PIK3R1: variants seen among roughly 807,000 people sequenced by gnomAD.
PIK3R1 encodes the protein phosphatidylinositol 3-kinase regulatory subunit alpha.
Under a neutral mutation model 98.0 loss-of-function variants are expected in PIK3R1, and 29 were observed. The ratio of observed to expected loss-of-function variants is 0.30; its 90% CI spans 0.22 to 0.40. The LOEUF is 0.40. Among genes scored for constraint, PIK3R1 ranks in the 10% least tolerant of loss-of-function variants. The pLI, the probability that PIK3R1 is intolerant of heterozygous loss-of-function variation, is 1.00. For synonymous variants in PIK3R1, 282 were observed against 311.8 expected (o/e 0.90, Z 1.01); for missense variants, 596 against 872.7 (o/e 0.68, Z 3.99).
At chr5:68,217,629 G>GTGTGTGTGTGTGT (rs1554044204) in intron 1 of PIK3R1, 46 of 145,820 alleles carry the variant, frequency 3.2e-4, no homozygotes, top group Admixed American at 1.5e-3. Context: ...AATGTGTGGG[G>GTGTGTGTGTGTGT]GTGTGTGTGT....
intron 2 of PIK3R1, among the ~76,000 whole-genome samples, chr5:68,244,600 AAAG>A (rs1745012746): frequency 6.9e-6 from 1 of 145,562 alleles, no homozygotes; most frequent in Non-Finnish European, 1.5e-5. Flanking sequence ...AAAAAAAAAA[AAAG>A]AGTTTTAGCT....
Position 68,281,036 on chromosome 5 carries a change from T to C in PIK3R1, c.916+30T>C, listed in dbSNP as rs754422093. 1.4e-5 allele frequency: 21 copies of C among 1,453,218 alleles called. 1 individual carries two copies. The South Asian group carries it at 2.4e-4, about 17-fold the overall frequency. The allele number at this position is 1,453,218 out of a possible 1,614,324, so 90.0% of individuals were successfully genotyped here. On this transcript the variant is annotated intron_variant, in intron 7 of 15. Coordinates refer to ENST00000521381, the MANE Select transcript of PIK3R1 (RefSeq NM_181523.3). ...TGCTTTTTGAGCATTTAACATTCTCTCATTGTTCATTTTTTAGAGCCTTAA... is the reference window on the plus strand; with the variant it reads ...TGCTTTTTGAGCATTTAACATTCTCCCATTGTTCATTTTTTAGAGCCTTAA...
chr5:68,274,064 TC>T, intron 4 of PIK3R1, 51 bp downstream of exon 4: 1 of 1,404,236 alleles, frequency 7.1e-7, no homozygotes, highest in South Asian at 1.2e-5. Flanking sequence ...GTCTTGGCTT[TC>T]TGTTTCAGGT....
chr5:68,273,895 G>A (rs772343694), intron 3 of PIK3R1, 44 bp from the exon 4 acceptor site: 1 of 1,444,506 alleles, frequency 6.9e-7, no homozygotes, highest in Middle Eastern at 1.7e-4. Context: ...TCTCCAGAGA[G>A]CTGTGTTTTG....
chr5:68,252,128 T>G (rs558924049), intron 2 of PIK3R1, among the ~76,000 whole-genome samples: 1 of 152,298 alleles, frequency 6.6e-6, no homozygotes, highest in African/African-American at 2.4e-5. Flanking sequence ...GTTGGCCCCT[T>G]GCATCCTTCA....
At chr5:68,240,338 T>C (rs917378162) in intron 2 of PIK3R1, among the ~76,000 whole-genome samples, 1 of 152,240 alleles carries the variant, frequency 6.6e-6, no homozygotes, top group African/African-American at 2.4e-5. Context: ...GCATTATGTG[T>C]ACAGTTATAT....
chr5:68,295,887 G>C (rs1747685233), intron 14 of PIK3R1: 2 of 473,644 alleles, frequency 4.2e-6, no homozygotes, highest in African/African-American at 3.9e-5. Flanking sequence ...GGATAAACGA[G>C]ATTGTTTTAA....
chr5:68,245,702 T>C (rs367729827), intron 2 of PIK3R1, among the ~76,000 whole-genome samples: 25 of 152,100 alleles, frequency 1.6e-4, no homozygotes, highest in Non-Finnish European at 3.5e-4. Flanking sequence ...ATGAAAAAAA[T>C]TACTTTTTAG....
chr5:68,228,005 T>C (rs970880575), intron 2 of PIK3R1, among the ~76,000 whole-genome samples: 7 of 152,266 alleles, frequency 4.6e-5, no homozygotes, highest in Admixed American at 6.5e-5. Context: ...TTATCAGCTT[T>C]GTCAAATACC....
At chr5:68,240,058 T>C in intron 2 of PIK3R1, 1 of 318,088 alleles carries the variant, frequency 3.1e-6, no homozygotes, top group South Asian at 2.8e-5. Flanking sequence ...ATGTTGTAGA[T>C]AACATTATAG....
Position 68,300,034 on chromosome 5 carries a change from T to A in PIK3R1, c.*2433T>A, listed in dbSNP as rs1433748838. On this transcript the variant is annotated 3_prime_UTR_variant, in exon 16 of 16. Transcript: ENST00000521381. ...TATTTTTTTGGTAGCACATGTATGC[T>A]ATTACATACAAATTTTTATTTCTAA... The A allele has an allele frequency of 4.3e-6, 1 of 233,124 alleles. No individual in the cohort carries two copies. The allele number at this position is 233,124 out of a possible 1,614,324, so 14.4% of individuals were successfully genotyped here.
At chr5:68,293,880 T>G (rs1228607939) in intron 11 of PIK3R1, 46 bp downstream of exon 11, 1 of 1,420,752 alleles carries the variant, frequency 7.0e-7, no homozygotes, top group African/African-American at 1.5e-5. Context: ...AGTTCTAAAC[T>G]TTTAAAGACT....
rs2112194662 is a variant in PIK3R1, at chr5:68,280,548, T to C, written c.655T>C (p.Tyr219His). The C allele has an allele frequency of 6.3e-7, 1 of 1,598,026 alleles. No homozygotes were observed. Residue 219 changes from tyrosine (Y) to histidine (H), a missense_variant, in exon 6 of 16, where the codon TAT (tyrosine) becomes CAT (histidine). Physicochemically the swap from Tyr to His is moderately conservative, Grantham distance 83. This residue lies in a region of PIK3R1 where 352 missense variants were observed against 393.3 expected (regional missense o/e 0.90). Coordinates refer to ENST00000521381, the MANE Select transcript of PIK3R1 (RefSeq NM_181523.3). Reference protein sequence around the residue: ...LAPEVQSSEEYIQLLKKLIRS... With the variant: ...LAPEVQSSEEHIQLLKKLIRS... ...TGTAGAAGTACAAAGCTCCGAAGAATATATTCAGCTATTGAAGAAGCTTAT... is the reference window on the plus strand; with the variant it reads ...TGTAGAAGTACAAAGCTCCGAAGAACATATTCAGCTATTGAAGAAGCTTAT...
chr5:68,237,693 C>T (rs778630953), intron 2 of PIK3R1, among the ~76,000 whole-genome samples: 2 of 151,368 alleles, frequency 1.3e-5, no homozygotes, highest in Non-Finnish European at 2.9e-5. Context: ...AGAGCCTCTT[C>T]TCAGTACAAT....
At position 68,301,071 on chromosome 5, in the gene PIK3R1, C is replaced by T. The variant is rs1165955463; in HGVS notation, c.*3470C>T. ...AAATCTGCTGGTTTTAACAACTGTGCTTTTGCTATGTATGGTATCCAAGTT... is the reference window on the plus strand; with the variant it reads ...AAATCTGCTGGTTTTAACAACTGTGTTTTTGCTATGTATGGTATCCAAGTT... On this transcript the variant is annotated 3_prime_UTR_variant, in exon 16 of 16. Coordinates refer to ENST00000521381, the MANE Select transcript of PIK3R1 (RefSeq NM_181523.3). The T allele has an allele frequency of 4.3e-6, 1 of 231,308 alleles. No homozygotes were observed. Among genetic ancestry groups the T allele is most frequent in the African/African-American group, 2.2e-5 (1 of 45,118 alleles). 14.3% of individuals were successfully genotyped at this position (231,308 alleles called of 1,614,324 possible).
chr5:68,230,549 A>G (rs1220587574), intron 2 of PIK3R1, among the ~76,000 whole-genome samples: 1 of 152,208 alleles, frequency 6.6e-6, no homozygotes, highest in East Asian at 1.9e-4. Flanking sequence ...CACATCCTTC[A>G]TCTGAGGCAT....
In PIK3R1 at chr5:68,294,680, T is replaced by C. The variant is rs780724594; in HGVS notation, c.1568+2T>C. 1.9e-6 allele frequency: 3 copies of C among 1,599,006 alleles called. No homozygotes were observed. The highest frequency in any genetic ancestry group is 2.6e-6 in the Non-Finnish European group (3 of 1,175,014). ...AGGCAATGAGAAAGAAATACAAAGG[T>C]TGGTGTTTCCCTTGTTCTTGTGCTA... is the stretch of plus-strand genomic sequence containing the variant. On this transcript the variant is annotated splice_donor_variant, in intron 12 of 15. Coordinates refer to ENST00000521381, the MANE Select transcript of PIK3R1 (RefSeq NM_181523.3). LOFTEE classifies it high-confidence loss of function.
At chr5:68,293,915 G>T (rs1747543660) in intron 11 of PIK3R1, 81 bp downstream of exon 11, 6 of 1,166,870 alleles carry the variant, frequency 5.1e-6, no homozygotes, top group Non-Finnish European at 2.4e-6. Context: ...AATTTAAAAG[G>T]TTGAGTTTTT....
chr5:68,272,228 G>T (rs993061876), intron 2 of PIK3R1, among the ~76,000 whole-genome samples: 2 of 148,636 alleles, frequency 1.3e-5, no homozygotes, highest in African/African-American at 5.1e-5. Flanking sequence ...ACTCCAGCCT[G>T]GGTGACAGAG....
Sources: allele counts gnomAD v4.1 joint callset (sites outside exome capture counted in the v4.1 genomes callset), GRCh38; gene constraint gnomAD v4.1.1; regional missense constraint gnomAD v4.1.1; transcripts MANE v1.5; gene names NCBI Gene and HGNC (gene_info 2026-07-23, HGNC 2026-07-21).